CACNA1C: variants seen among roughly 807,000 people sequenced by gnomAD.
CACNA1C encodes the protein voltage-dependent L-type calcium channel subunit alpha-1C.
Under a neutral mutation model 229.0 loss-of-function variants are expected in CACNA1C, and 30 were observed. The observed-to-expected ratio is 0.13, with a 90% CI of 0.10 to 0.18. The LOEUF (loss-of-function observed/expected upper bound fraction) is 0.18, where lower values mean the gene tolerates loss of function less well. Among genes scored for constraint, CACNA1C ranks in the 10% least tolerant of loss-of-function variants. CACNA1C has a pLI of 1.00. For synonymous variants in CACNA1C, 1,114 were observed against 1,132.5 expected (o/e 0.98, Z 0.33); for missense variants, 1,658 against 2,845.0 (o/e 0.58, Z 9.49).
chr12:2,136,510 A>AT (rs1210938344), intron 3 of CACNA1C, among the ~76,000 whole-genome samples: 1 of 151,222 alleles, frequency 6.6e-6, no homozygotes, highest in Non-Finnish European at 1.5e-5. Context: ...TGGGAGGGGT[A>AT]TTTTGCTTTG....
chr12:2,506,462 C>T (rs2099772120), intron 8 of CACNA1C, among the ~76,000 whole-genome samples: 1 of 152,150 alleles, frequency 6.6e-6, no homozygotes, highest in Non-Finnish European at 1.5e-5. Context: ...CTGATAATTC[C>T]AGTGCATAGG....
intron 1 of CACNA1C, chr12:1,998,016 C>T: frequency 6.4e-7 from 1 of 1,550,468 alleles, no homozygotes; most frequent in East Asian, 2.3e-5. Context: ...TGTATGTTCT[C>T]TTCAATTCAC....
intron 4 of CACNA1C, among the ~76,000 whole-genome samples, chr12:2,453,304 A>G (rs566065842): frequency 1.4e-4 from 21 of 152,042 alleles, no homozygotes; most frequent in African/African-American, 4.8e-4. Flanking sequence ...GCAGCTTCCC[A>G]TTTCTAGATC....
rs73037287 is a variant in CACNA1C, at chr12:2,409,525, C to T, written c.478-39451C>T. On this transcript the variant is annotated intron_variant, in intron 3 of 46. Transcript: ENST00000399655. Reference sequence around the variant, plus strand: ...ATTAACCAGCAGTGGACGGTCACTACAGGTAGAATCTTCAACGAGACTCCT... The same window carrying T: ...ATTAACCAGCAGTGGACGGTCACTATAGGTAGAATCTTCAACGAGACTCCT... Among the ~76,000 whole-genome samples, 466 of 152,360 alleles carry T rather than the reference C, an allele frequency of 3.1e-3. 1 individual carries two copies. The highest frequency in any genetic ancestry group is 5.4e-3 in the Non-Finnish European group (368 of 68,034).
At chr12:2,359,013 C>G (rs1201675662) in intron 3 of CACNA1C, among the ~76,000 whole-genome samples, 1 of 152,226 alleles carries the variant, frequency 6.6e-6, no homozygotes, top group African/African-American at 2.4e-5. Flanking sequence ...GGTCTTACTT[C>G]CCTTCTTTCT....
chr12:2,219,103 C>G (rs1019033616), intron 3 of CACNA1C, among the ~76,000 whole-genome samples: 1 of 152,152 alleles, frequency 6.6e-6, no homozygotes, highest in African/African-American at 2.4e-5. Flanking sequence ...AAAAATCAGC[C>G]AGGTAGAGTT....
chr12:2,551,083 G>C (rs1181767413), intron 10 of CACNA1C, among the ~76,000 whole-genome samples: 1 of 152,222 alleles, frequency 6.6e-6, no homozygotes. Flanking sequence ...TGAGTTTCTG[G>C]AAGTAGGTCC....
intron 1 of CACNA1C, among the ~76,000 whole-genome samples, chr12:2,055,440 C>T (rs984511268): frequency 2.6e-5 from 4 of 152,218 alleles, no homozygotes; most frequent in African/African-American, 9.7e-5. Flanking sequence ...ACCTTATTCA[C>T]AGGATGATAA....
At chr12:2,439,714 G>T (rs1216078302) in intron 3 of CACNA1C, among the ~76,000 whole-genome samples, 1 of 145,336 alleles carries the variant, frequency 6.9e-6, no homozygotes, top group Non-Finnish European at 1.5e-5. Flanking sequence ...TTTGAGAAGG[G>T]TTTTTTTTTT....
chr12:2,677,253 G>C lies in CACNA1C; in HGVS notation c.4956+32G>C, dbSNP rs2096869563. On this transcript the variant is annotated intron_variant, in intron 40 of 46. Transcript: ENST00000399655. This position sits in a 1 kb window ranked among gnomAD's most constrained non-coding sequence, Gnocchi z 7.4. ...GCCTGGGGGCGGGCCCACACTCCAG[G>C]AAGGTCCTGGTCATTGCCTCTGACC... The C allele has an allele frequency of 1.9e-6, 3 of 1,609,646 alleles. No homozygotes were observed. The highest frequency in any genetic ancestry group is 1.7e-5 in the Admixed American group (1 of 59,710).
Position 2,117,756 on chromosome 12 carries a change from C to T in CACNA1C, c.371+2211C>T, listed in dbSNP as rs559878908. On this transcript the variant is annotated intron_variant, in intron 2 of 46. Transcript: ENST00000399655. ...CACTGGGACACGCCGGACCTGGATC[C>T]GGGCCTAACACCTACTCCCTGGGTG... 5.3e-5 allele frequency among the ~76,000 whole-genome samples: 8 copies of T among 152,356 alleles called. No individual in the cohort carries two copies. The South Asian group carries it at 1.0e-3, about 20-fold the overall frequency.
At chr12:2,333,299 T>C (rs568920656) in intron 3 of CACNA1C, among the ~76,000 whole-genome samples, 1 of 152,294 alleles carries the variant, frequency 6.6e-6, no homozygotes, top group East Asian at 1.9e-4. Context: ...CAGGTGAGAT[T>C]GGGAGACTCC....
chr12:2,426,161 T>C (rs1429457000), intron 3 of CACNA1C, among the ~76,000 whole-genome samples: 1 of 152,176 alleles, frequency 6.6e-6, no homozygotes, highest in Non-Finnish European at 1.5e-5. Flanking sequence ...CCAAATCTTA[T>C]CAATCAATGA....
intron 3 of CACNA1C, among the ~76,000 whole-genome samples, chr12:2,129,944 G>T (rs1253973999): frequency 1.3e-5 from 2 of 152,166 alleles, no homozygotes; most frequent in African/African-American, 4.8e-5. Context: ...GACCTATGGG[G>T]CTTACTTATG....
chr12:2,571,041 G>A (rs917558496), intron 13 of CACNA1C, among the ~76,000 whole-genome samples: 1 of 152,214 alleles, frequency 6.6e-6, no homozygotes, highest in African/African-American at 2.4e-5. Context: ...GTGCCAGATA[G>A]GGTGAGCAGA....
At chr12:2,344,027 ATAGT>A (rs2096936154) in intron 3 of CACNA1C, among the ~76,000 whole-genome samples, 1 of 152,234 alleles carries the variant, frequency 6.6e-6, no homozygotes, top group Non-Finnish European at 1.5e-5. Flanking sequence ...TCTGACATTG[ATAGT>A]TTGAAAACTT....
intron 3 of CACNA1C, among the ~76,000 whole-genome samples, chr12:2,390,665 G>A (rs1222937229): frequency 6.6e-6 from 1 of 152,166 alleles, no homozygotes; most frequent in Non-Finnish European, 1.5e-5. Flanking sequence ...CTTTGAAGAT[G>A]ATCAGGATTT....
intron 9 of CACNA1C, among the ~76,000 whole-genome samples, chr12:2,537,666 A>G (rs1002972820): frequency 5.3e-5 from 8 of 152,194 alleles, no homozygotes; most frequent in African/African-American, 1.2e-4. Flanking sequence ...GGACACCACT[A>G]ATGTCCTTTT....
At chr12:2,259,911 G>C (rs2079423582) in intron 3 of CACNA1C, among the ~76,000 whole-genome samples, 1 of 152,096 alleles carries the variant, frequency 6.6e-6, no homozygotes, top group East Asian at 1.9e-4. Flanking sequence ...ACTCCAGCCT[G>C]GGTGACAGAA....
Sources: gnomAD v4.1 joint callset for allele counts (sites outside exome capture counted in the v4.1 genomes callset) on GRCh38, gnomAD v4.1.1 for gene constraint, Gnocchi (gnomAD v3.1) non-coding constraint, MANE v1.5 for transcripts, NCBI Gene and HGNC (gene_info 2026-07-23, HGNC 2026-07-21) for gene names.